TMEM132E: variants seen among roughly 807,000 people sequenced by gnomAD.
The protein encoded by TMEM132E is transmembrane protein 132E.
A neutral mutation model predicts 78.5 loss-of-function variants in TMEM132E; 49 were observed. The ratio of observed to expected loss-of-function variants is 0.62; its 90% CI spans 0.50 to 0.79. The LOEUF is 0.79. Among genes scored for constraint, TMEM132E ranks in the 30% least tolerant of loss-of-function variants. The pLI is 0.00. For missense variants in TMEM132E, 1,403 were observed against 1,470.9 expected (o/e 0.95, Z 0.75); for synonymous variants, 715 against 670.6 (o/e 1.07, Z -1.02).
intron 1 of TMEM132E, among the ~76,000 whole-genome samples, chr17:34,587,546 AG>A (rs1327461016): frequency 3.9e-5 from 6 of 152,272 alleles, no homozygotes; most frequent in African/African-American, 1.4e-4. Context: ...CCAGAGACTG[AG>A]GACCCCACAA....
At chr17:34,604,661 C>T (rs529278463) in intron 1 of TMEM132E, among the ~76,000 whole-genome samples, 29 of 152,208 alleles carry the variant, frequency 1.9e-4, no homozygotes, top group Non-Finnish European at 3.8e-4. Context: ...CTGTCCCCCT[C>T]AGAAACCAAC....
In TMEM132E at chr17:34,579,870, CG is replaced by C. The variant is rs1567708083; in HGVS notation, c.-1205del. On this transcript the variant is annotated 5_prime_UTR_variant, in exon 1 of 9. The change abolishes the stop of an existing upstream ORF in the 5' untranslated region. Coordinates refer to ENST00000631683, the MANE Select transcript of TMEM132E (RefSeq NM_001304438.2). ...TCACCGCCCGCAGCCCGGACTGGCG[CG>C]GCGATCCGCTCGCCCAAACTGACTC... 6.6e-6 allele frequency: 1 copy of C among 152,154 alleles called. No individual in the cohort carries two copies. Among genetic ancestry groups the C allele is most frequent in the East Asian group, 1.9e-4 (1 of 5,146 alleles). The allele number at this position is 152,154 out of a possible 1,614,324, so 9.4% of individuals were successfully genotyped here. A position where few individuals can be genotyped will look rare whatever the true frequency, so the allele number is the denominator to read the frequency against.
At chr17:34,634,061 C>A (rs573261038) in intron 6 of TMEM132E, among the ~76,000 whole-genome samples, 9 of 152,318 alleles carry the variant, frequency 5.9e-5, no homozygotes, top group African/African-American at 2.2e-4. Context: ...TAAAAGAATG[C>A]TCTGTGTGAA....
intron 1 of TMEM132E, among the ~76,000 whole-genome samples, chr17:34,592,630 T>A (rs149489998): frequency 5.9e-5 from 9 of 152,372 alleles, no homozygotes; most frequent in South Asian, 2.1e-4. Flanking sequence ...AGTTTCTTTA[T>A]GTGCAAACAA....
rs1476566471 is a variant in TMEM132E, at chr17:34,638,860, GCCAGGCACCTT to G, written c.*631_*641del. 43 of 152,666 alleles carry G rather than the reference GCCAGGCACCTT, an allele frequency of 2.8e-4. No homozygotes were observed. The highest frequency in any genetic ancestry group is 9.1e-4 in the Admixed American group (14 of 15,304). The allele number at this position is 152,666 out of a possible 1,614,324, so 9.5% of individuals were successfully genotyped here. A position where few individuals can be genotyped will look rare whatever the true frequency, so the allele number is the denominator to read the frequency against. The stretch of plus-strand genomic sequence containing the variant: ...ACTCTACAGAGAGGTCTGGTGCCAA[GCCAGGCACCTT>G]CCTGAGTTCTCAGGACTCCCACCTC... On this transcript the variant is annotated 3_prime_UTR_variant, in exon 9 of 9. Coordinates refer to ENST00000631683, the MANE Select transcript of TMEM132E (RefSeq NM_001304438.2).
In TMEM132E at chr17:34,637,544, G is replaced by A. The variant is rs2042955708; in HGVS notation, c.2537G>A (p.Gly846Asp). ...GAGGCCCGGGGAGCTGGCCCGCCGG[G>A]CTCTGCGCTACCCGCACCGGAGGCT... Reference protein sequence around the residue: ...EDEARGAGPPGSALPAPEAPG... With the variant: ...EDEARGAGPPDSALPAPEAPG... Residue 846 changes from glycine to aspartate, a missense_variant, in exon 9 of 9, where the codon GGC (glycine) becomes GAC (aspartate). Physicochemically the swap from Gly to Asp is moderately conservative, Grantham distance 94. Transcript: ENST00000631683. The A allele has an allele frequency of 1.3e-6, 2 of 1,598,152 alleles. No homozygotes were observed. The highest frequency in any genetic ancestry group is 1.7e-5 in the Admixed American group (1 of 59,280).
In TMEM132E at chr17:34,632,926, A is replaced by C. The variant is rs750012370; in HGVS notation, c.1688+17A>C. 5.6e-6 allele frequency: 9 copies of C among 1,613,594 alleles called. No individual in the cohort carries two copies. In the South Asian group the frequency reaches 7.7e-5, roughly 14 times the overall value. ...CGACCGGAGGTACAGCCCCTCTCCC[A>C]TGGCGGATACTTGGGAAACTCATGG... is the stretch of plus-strand genomic sequence containing the variant. On this transcript the variant is annotated intron_variant, in intron 6 of 8. Transcript: ENST00000631683.
In TMEM132E at chr17:34,628,727, C is replaced by T. The variant is rs1244727627; in HGVS notation, c.1145+18C>T. On this transcript the variant is annotated intron_variant, in intron 3 of 8. Transcript: ENST00000631683. ...CCCCCCAGGTGAGCCCGAGGTGGTG[C>T]ATCTACCCACCTCTTCGCAAAGCAG... 5 of 1,569,610 alleles carry T rather than the reference C, an allele frequency of 3.2e-6. No individual in the cohort carries two copies. In the South Asian group the frequency reaches 5.8e-5, roughly 18 times the overall value.
At chr17:34,623,414 C>T (rs1022581273) in intron 1 of TMEM132E, among the ~76,000 whole-genome samples, 3 of 151,336 alleles carry the variant, frequency 2.0e-5, no homozygotes, top group Non-Finnish European at 2.9e-5. Flanking sequence ...CCCCCCCCCC[C>T]CCGTCCCTCT....
In TMEM132E at chr17:34,633,518, G is replaced by A. The variant is rs998836140; in HGVS notation, c.1688+609G>A. The stretch of plus-strand genomic sequence containing the variant: ...GTGCCCATACGTGGGGCACATACAT[G>A]TGTACTCACCGCATTCCAATCACCC... On this transcript the variant is annotated intron_variant, in intron 6 of 8. Transcript: ENST00000631683. 1.3e-5 allele frequency among the ~76,000 whole-genome samples: 2 copies of A among 152,258 alleles called. 1 individual carries two copies. The highest frequency in any genetic ancestry group is 2.9e-5 in the Non-Finnish European group (2 of 68,054).
At position 34,637,455 on chromosome 17, in the gene TMEM132E, CGAG is replaced by C; in HGVS notation, c.2454_2456del (p.Glu818del). ...GCCTGCGGGTGCACTTTGGGAGGGA[CGAG>C]GAGGACCCCACTTATGACTACCCGG... On this transcript the variant is annotated inframe_deletion, in exon 9 of 9. Transcript: ENST00000631683. 2 of 1,613,262 alleles carry C rather than the reference CGAG, an allele frequency of 1.2e-6. No individual in the cohort carries two copies. Among genetic ancestry groups the C allele is most frequent in the Non-Finnish European group, 1.7e-6 (2 of 1,179,956 alleles).
chr17:34,627,467 CGTGTGT>C (rs145658598), intron 2 of TMEM132E, among the ~76,000 whole-genome samples: 5,149 of 126,502 alleles, frequency 0.041, 196 homozygotes, highest in East Asian at 0.2. Flanking sequence ...CCAAAAGAAT[CGTGTGT>C]GTGTGTGTGT....
At position 34,639,064 on chromosome 17, in the gene TMEM132E, A is replaced by G. The variant is rs73285868; in HGVS notation, c.*832A>G. On this transcript the variant is annotated 3_prime_UTR_variant, in exon 9 of 9. Transcript: ENST00000631683. Reference sequence around the variant, plus strand: ...GCCACCCGTCACCCTGCTGACTGCGACTTCCCTCTGCAGCACAGGGCAGGC... The same window carrying G: ...GCCACCCGTCACCCTGCTGACTGCGGCTTCCCTCTGCAGCACAGGGCAGGC... 2.6e-5 allele frequency: 4 copies of G among 152,594 alleles called. No homozygotes were observed. The allele number at this position is 152,594 out of a possible 1,614,324, so 9.5% of individuals were successfully genotyped here.
chr17:34,628,995 C>G lies in TMEM132E; in HGVS notation c.1146-17C>G, dbSNP rs542419422. 6.5e-7 allele frequency: 1 copy of G among 1,537,904 alleles called. No homozygotes were observed. Among genetic ancestry groups the G allele is most frequent in the Non-Finnish European group, 8.8e-7 (1 of 1,139,836 alleles). On this transcript the variant is annotated splice_polypyrimidine_tract_variant and intron_variant, in intron 3 of 8. Coordinates refer to ENST00000631683, the MANE Select transcript of TMEM132E (RefSeq NM_001304438.2). ...GCCCTTCATCCTCTGCTCTCCTTCC[C>G]TCCCCTACCCTGGCAGGGAGGGCCA...
intron 1 of TMEM132E, 77 bp from the exon 2 acceptor site, chr17:34,626,050 C>G (rs1280405027): frequency 7.5e-6 from 10 of 1,341,104 alleles, no homozygotes; most frequent in Non-Finnish European, 9.9e-6. Flanking sequence ...GTGGGAGAGA[C>G]GAGCCTGGGG....
chr17:34,580,656 A>C lies in TMEM132E; in HGVS notation c.-421A>C. The stretch of plus-strand genomic sequence containing the variant: ...TGCGGTTACTACCGAAACCGAGGAA[A>C]CTGGGGATTGCGTTGGAAGTCGGCA... On this transcript the variant is annotated 5_prime_UTR_variant, in exon 1 of 9. Coordinates refer to ENST00000631683, the MANE Select transcript of TMEM132E (RefSeq NM_001304438.2). The C allele has an allele frequency of 5.7e-6, 1 of 176,030 alleles. No homozygotes were observed. The highest frequency in any genetic ancestry group is 1.2e-5 in the Non-Finnish European group (1 of 84,178). The allele number at this position is 176,030 out of a possible 1,614,324, so 10.9% of individuals were successfully genotyped here. A position where few individuals can be genotyped will look rare whatever the true frequency, so the allele number is the denominator to read the frequency against.
At chr17:34,589,847 G>A (rs1485594339) in intron 1 of TMEM132E, among the ~76,000 whole-genome samples, 1 of 152,208 alleles carries the variant, frequency 6.6e-6, no homozygotes, top group Non-Finnish European at 1.5e-5. Flanking sequence ...CTCTACTGGA[G>A]AGAGGCTGGC....
chr17:34,626,798 G>A lies in TMEM132E; in HGVS notation c.739G>A (p.Gly247Ser). ...CCCTGATGCGTCGGGGGGCTGCGGG[G>A]GCTCCCGCCGGGGGGCCGGGCCCGG... ...HAPDASGGCG[G>S]SRRGAGPGVG... The change falls in exon 2 of 9, where the codon GGC becomes AGC. Residue 247 changes from glycine (G) to serine (S), a missense_variant. Physicochemically the swap from Gly to Ser is moderately conservative, Grantham distance 56 (BLOSUM62 0). Around this residue, in one of 3 missense-constraint regions of TMEM132E, gnomAD observed 511 missense variants for 499.0 expected, o/e 1.02. Coordinates refer to ENST00000631683, the MANE Select transcript of TMEM132E (RefSeq NM_001304438.2). 2 of 1,515,818 alleles carry A rather than the reference G, an allele frequency of 1.3e-6. No individual in the cohort carries two copies. Among genetic ancestry groups the A allele is most frequent in the Non-Finnish European group, 8.8e-7 (1 of 1,134,368 alleles). 93.9% of individuals were successfully genotyped at this position (1,515,818 alleles called of 1,614,324 possible).
chr17:34,635,932 C>G (rs1202735100), intron 7 of TMEM132E, 75 bp from the exon 8 acceptor site: 1 of 1,299,670 alleles, frequency 7.7e-7, no homozygotes, highest in Non-Finnish European at 9.9e-7. Flanking sequence ...GCTGGGATTT[C>G]TCCCTAGCTG....
Sources: allele counts gnomAD v4.1 joint callset (sites outside exome capture counted in the v4.1 genomes callset), GRCh38; gene constraint gnomAD v4.1.1; regional missense constraint gnomAD v4.1.1; transcripts MANE v1.5; gene names NCBI Gene and HGNC (gene_info 2026-07-23, HGNC 2026-07-21).